Variants in TADA2A observed in about 807,000 individuals in gnomAD.
The protein encoded by TADA2A is transcriptional adaptor 2A.
In TADA2A, 38 loss-of-function variants were observed where a neutral mutation model predicts 67.4. The ratio of observed to expected loss-of-function variants is 0.56; its 90% confidence interval spans 0.44 to 0.74. The LOEUF (loss-of-function observed/expected upper bound fraction) is 0.74, where lower values mean the gene tolerates loss of function less well. Ranked by LOEUF, TADA2A falls within the 30% of genes least tolerant of loss-of-function variation. The pLI is 0.00. For missense variants in TADA2A, 454 were observed against 547.0 expected, an observed-to-expected ratio of 0.83 and a Z score of 1.70; for synonymous variants, 192 against 181.6, an observed-to-expected ratio of 1.06 and a Z score of -0.46.
intron 2 of TADA2A, among the ~76,000 whole-genome samples, chr17:37,412,309 G>T (rs527631611): frequency 6.6e-6 from 1 of 152,056 alleles, no homozygotes; most frequent in Non-Finnish European, 1.5e-5. Flanking sequence ...TGGGATTTCT[G>T]TTTAGACCAA....
intron 8 of TADA2A, among the ~76,000 whole-genome samples, chr17:37,446,472 C>T (rs2053084556): frequency 6.6e-6 from 1 of 151,872 alleles, no homozygotes; most frequent in Non-Finnish European, 1.5e-5. Flanking sequence ...CTCAAAAATA[C>T]CAAATTTTTG....
chr17:37,453,005 G>T (rs2053274972), intron 8 of TADA2A, among the ~76,000 whole-genome samples: 1 of 152,100 alleles, frequency 6.6e-6, no homozygotes, highest in Non-Finnish European at 1.5e-5. Flanking sequence ...TAGGACTTAG[G>T]TTATTTTTAT....
At chr17:37,438,367 C>T (rs1189545704) in intron 5 of TADA2A, among the ~76,000 whole-genome samples, 1 of 152,284 alleles carries the variant, frequency 6.6e-6, no homozygotes, top group South Asian at 2.1e-4. Flanking sequence ...CTACCACTTT[C>T]GTTTTTATCT....
chr17:37,427,570 A>G (rs2052445548), intron 4 of TADA2A, among the ~76,000 whole-genome samples: 2 of 152,222 alleles, frequency 1.3e-5, no homozygotes, highest in Admixed American at 1.3e-4. Context: ...TGCCACACTT[A>G]AAGAAGGAAT....
At chr17:37,415,874 C>CA (rs35954525) in intron 2 of TADA2A, among the ~76,000 whole-genome samples, 57,569 of 105,600 alleles carry the variant, frequency 0.55, 14,464 homozygotes, top group East Asian at 0.81. Context: ...AACTCCTTCT[C>CA]AAAAAAAAAA....
intron 8 of TADA2A, among the ~76,000 whole-genome samples, chr17:37,452,030 A>G (rs2053247990): frequency 6.6e-6 from 1 of 152,006 alleles, no homozygotes; most frequent in African/African-American, 2.4e-5. Context: ...ATTAGCAGTA[A>G]TTTTACTGGC....
rs1177834106 is a variant in TADA2A at position 37,439,935 on chromosome 17, TTTATTTA to T, written c.285-563_285-557del. ...ATTTATTTATTTATTTATTTATTTA[TTTATTTA>T]TTATTTTTTTTTTTTTTTGAGATGG... is the stretch of plus-strand genomic sequence containing the variant. On this transcript the variant is annotated intron_variant, in intron 5 of 15. Coordinates refer to ENST00000615182, the MANE Select transcript of TADA2A (RefSeq NM_001166105.3). Among the ~76,000 whole-genome samples the T allele has an allele frequency of 9.3e-3, 820 of 88,026 alleles. 17 individuals carry two copies. Among genetic ancestry groups the T allele is most frequent in the African/African-American group, 0.033 (712 of 21,336 alleles). The allele number at this position is 88,026 out of a possible 152,430, so 57.7% of individuals were successfully genotyped here.
chr17:37,411,231 G>A (rs2051856422), intron 1 of TADA2A, 38 bp from the exon 2 acceptor site: 1 of 770,538 alleles, frequency 1.3e-6, no homozygotes, highest in Non-Finnish European at 2.3e-6. Flanking sequence ...CCCTTTGAAT[G>A]ATTTTCTGAT....
intron 14 of TADA2A, among the ~76,000 whole-genome samples, chr17:37,474,236 C>T (rs1164355590): frequency 1.3e-5 from 2 of 152,058 alleles, no homozygotes; most frequent in South Asian, 2.1e-4. Context: ...GAGACCCTGT[C>T]TCAAAAATAA....
At chr17:37,453,449 T>C (rs2053286102) in intron 8 of TADA2A, among the ~76,000 whole-genome samples, 1 of 152,192 alleles carries the variant, frequency 6.6e-6, no homozygotes, top group African/African-American at 2.4e-5. Flanking sequence ...TTCCAGTTGT[T>C]CCATGGAGGC....
chr17:37,413,509 GTC>G (rs971410262), intron 2 of TADA2A, among the ~76,000 whole-genome samples: 7 of 151,816 alleles, frequency 4.6e-5, no homozygotes, highest in African/African-American at 1.7e-4. Context: ...TGCACTGTCT[GTC>G]TCTGTGTGTG....
chr17:37,471,219 CTCTGTGGTG>C (rs1327203070), intron 14 of TADA2A, 82 bp downstream of exon 14: 2 of 1,413,968 alleles, frequency 1.4e-6, no homozygotes, highest in Non-Finnish European at 2.0e-6. Context: ...ATCTTCCTTC[CTCTGTGGTG>C]TCAGGGTGCT....
At chr17:37,429,975 A>G (rs559314213) in intron 4 of TADA2A, among the ~76,000 whole-genome samples, 13 of 152,292 alleles carry the variant, frequency 8.5e-5, no homozygotes, top group African/African-American at 2.2e-4. Flanking sequence ...AAGCTGGTTT[A>G]TTTTTCCCAA....
At chr17:37,462,387 G>A (rs1202373386) in intron 10 of TADA2A, among the ~76,000 whole-genome samples, 1 of 152,036 alleles carries the variant, frequency 6.6e-6, no homozygotes, top group Non-Finnish European at 1.5e-5. Context: ...CCAGCACTTT[G>A]GGAGGCTGAG....
chr17:37,440,233 G>A (rs116937684), intron 5 of TADA2A, among the ~76,000 whole-genome samples: 10 of 151,976 alleles, frequency 6.6e-5, no homozygotes, highest in Non-Finnish European at 1.0e-4. Flanking sequence ...GAGCCACTGC[G>A]CCTGGCCTCA....
At position 37,437,744 on chromosome 17, in the gene TADA2A, G is replaced by C. The variant is rs141037954; in HGVS notation, c.199G>C (p.Asp67His). 1.2e-6 allele frequency: 2 copies of C among 1,613,972 alleles called. No homozygotes were observed. Among genetic ancestry groups the C allele is most frequent in the Non-Finnish European group, 1.7e-6 (2 of 1,179,998 alleles). ...SDHTYEIMTS[D>H]FPVLDPSWTA... Reference sequence around the variant, plus strand: ...AAAACTTTTTTCTCCTTAGACTTCAGATTTTCCTGTCCTTGATCCCAGCTG... The same window carrying C: ...AAAACTTTTTTCTCCTTAGACTTCACATTTTCCTGTCCTTGATCCCAGCTG... The change falls in exon 5 of 16, where the codon GAT (aspartate) becomes CAT (histidine). Residue 67 changes from aspartate to histidine, a missense_variant. This residue lies in a region of TADA2A where 403 missense variants were observed against 455.5 expected (regional missense o/e 0.88). Coordinates refer to ENST00000615182, the MANE Select transcript of TADA2A (RefSeq NM_001166105.3).
At chr17:37,414,175 C>T (rs751020244) in intron 2 of TADA2A, among the ~76,000 whole-genome samples, 12 of 151,818 alleles carry the variant, frequency 7.9e-5, no homozygotes, top group Non-Finnish European at 1.5e-4. Flanking sequence ...ATATATGTAC[C>T]GCATTTTCTT....
At chr17:37,474,533 C>T (rs1342350336) in intron 14 of TADA2A, 23 bp from the exon 15 acceptor site, 1 of 1,609,734 alleles carries the variant, frequency 6.2e-7, no homozygotes, top group East Asian at 2.2e-5. Context: ...TAAATCTATG[C>T]TGTTTCCTTT....
At chr17:37,429,102 C>G (rs1440354828) in intron 4 of TADA2A, among the ~76,000 whole-genome samples, 1 of 151,158 alleles carries the variant, frequency 6.6e-6, no homozygotes, top group Non-Finnish European at 1.5e-5. Flanking sequence ...AGGGGCCTTT[C>G]TATGTTATTC....
Sources: allele counts gnomAD v4.1 joint callset (sites outside exome capture counted in the v4.1 genomes callset), GRCh38; gene constraint gnomAD v4.1.1; regional missense constraint gnomAD v4.1.1; transcripts MANE v1.5; gene names NCBI Gene and HGNC (gene_info 2026-07-23, HGNC 2026-07-21).